FRRS1L: variants seen among roughly 807,000 people sequenced by gnomAD.
FRRS1L encodes the protein DOMON domain-containing protein FRRS1L.
A neutral mutation model predicts 28.6 loss-of-function variants in FRRS1L; 22 were observed. The ratio of observed to expected loss-of-function variants is 0.77; its 90% CI spans 0.55 to 1.10. The LOEUF (loss-of-function observed/expected upper bound fraction) is 1.10, where lower values mean the gene tolerates loss of function less well. FRRS1L is among the 50% of genes least tolerant of loss of function. FRRS1L has a pLI of 0.00. For synonymous variants in FRRS1L, 158 were observed against 151.4 expected, an observed-to-expected ratio of 1.04 and a Z score of -0.32; for missense variants, 380 against 386.9, an observed-to-expected ratio of 0.98 and a Z score of 0.15.
chr9:109,140,481 G>A (rs1176757135), intron 4 of FRRS1L: 1 of 152,258 alleles, frequency 6.6e-6, no homozygotes, highest in Non-Finnish European at 1.5e-5. Flanking sequence ...GAGACCAGTA[G>A]AGGGGAGGAG....
At chr9:109,152,350 A>G (rs1831340617) in intron 1 of FRRS1L, among the ~76,000 whole-genome samples, 1 of 151,672 alleles carries the variant, frequency 6.6e-6, no homozygotes, top group Admixed American at 6.6e-5. Flanking sequence ...GGGTTTCACC[A>G]TGTTGGTCAG....
At chr9:109,157,314 G>T (rs1831423453) in intron 1 of FRRS1L, among the ~76,000 whole-genome samples, 1 of 152,282 alleles carries the variant, frequency 6.6e-6, no homozygotes, top group African/African-American at 2.4e-5. Flanking sequence ...AAAAGAGTAT[G>T]ATTCTGTATT....
At chr9:109,149,521 G>A (rs1831302722) in intron 2 of FRRS1L, 115 bp downstream of exon 2, 1 of 686,872 alleles carries the variant, frequency 1.5e-6, no homozygotes, top group Non-Finnish European at 2.6e-6. Flanking sequence ...ACCCTGCTGA[G>A]GTGATCAAGG....
intron 1 of FRRS1L, chr9:109,150,505 C>T (rs977462461): frequency 7.9e-5 from 12 of 152,212 alleles, no homozygotes; most frequent in East Asian, 3.8e-4. Flanking sequence ...TATAAGCCAC[C>T]GCACCCAACT....
chr9:109,163,896 C>G (rs1831510512), intron 1 of FRRS1L, among the ~76,000 whole-genome samples: 1 of 152,148 alleles, frequency 6.6e-6, no homozygotes, highest in African/African-American at 2.4e-5. Flanking sequence ...TGAATCTGTC[C>G]TAGGAGAGTT....
chr9:109,142,309 A>G (rs1294710309), intron 3 of FRRS1L, among the ~76,000 whole-genome samples: 1 of 152,230 alleles, frequency 6.6e-6, no homozygotes, highest in Non-Finnish European at 1.5e-5. Context: ...CAGTAGCAGT[A>G]GCAGTAGCAG....
At chr9:109,141,216 C>T in intron 4 of FRRS1L, 127 bp downstream of exon 4, 3 of 1,007,152 alleles carry the variant, frequency 3.0e-6, no homozygotes, top group South Asian at 1.6e-5. Context: ...GGAGTCGCAT[C>T]TCCTTTTCCT....
chr9:109,155,630 G>A (rs1382782206), intron 1 of FRRS1L, among the ~76,000 whole-genome samples: 1 of 151,760 alleles, frequency 6.6e-6, no homozygotes, highest in Non-Finnish European at 1.5e-5. Flanking sequence ...CTTGAACCTG[G>A]GAGGTGGAGG....
In FRRS1L at chr9:109,134,598, A is replaced by G. The variant is rs1158880560; in HGVS notation, c.*2857T>C. 1 of 152,220 alleles carries G rather than the reference A, an allele frequency of 6.6e-6. No individual in the cohort carries two copies. The highest frequency in any genetic ancestry group is 1.5e-5 in the Non-Finnish European group (1 of 68,046). 9.4% of individuals were successfully genotyped at this position (152,220 alleles called of 1,614,324 possible). A position where few individuals can be genotyped will look rare whatever the true frequency, so the allele number is the denominator to read the frequency against. Reference sequence around the variant, plus strand: ...ATTGCAGGTCACAGAAATGGCTTGCATTTTACCTTAATGGCACTGAGAAGT... The same window carrying G: ...ATTGCAGGTCACAGAAATGGCTTGCGTTTTACCTTAATGGCACTGAGAAGT... On this transcript the variant is annotated 3_prime_UTR_variant, in exon 5 of 5. Transcript: ENST00000561981.
Position 109,131,159 on chromosome 9 carries a change from G to A in FRRS1L, c.*6296C>T, listed in dbSNP as rs1282597355. The A allele has an allele frequency of 6.6e-6, 1 of 152,242 alleles. No individual in the cohort carries two copies. The highest frequency in any genetic ancestry group is 6.5e-5 in the Admixed American group (1 of 15,288). The allele number at this position is 152,242 out of a possible 1,614,324, so 9.4% of individuals were successfully genotyped here. The stretch of plus-strand genomic sequence containing the variant: ...ACTGGATACTTGAATAACTGAATAA[G>A]GAACCTAATTAAATACAAAACCTGT... On this transcript the variant is annotated 3_prime_UTR_variant, in exon 5 of 5. Transcript: ENST00000561981.
intron 1 of FRRS1L, among the ~76,000 whole-genome samples, chr9:109,156,920 C>T (rs1831418205): frequency 1.3e-5 from 2 of 151,758 alleles, no homozygotes; most frequent in African/African-American, 4.8e-5. Context: ...CTATCTGCCC[C>T]TCTCAGCCTT....
At chr9:109,164,213 C>T (rs1410436265) in intron 1 of FRRS1L, among the ~76,000 whole-genome samples, 5 of 152,096 alleles carry the variant, frequency 3.3e-5, no homozygotes, top group Admixed American at 6.5e-5. Context: ...AACTAGCACC[C>T]ACCGGATGGT....
chr9:109,143,521 T>C (rs1018322406), intron 3 of FRRS1L, among the ~76,000 whole-genome samples: 1 of 150,508 alleles, frequency 6.6e-6, no homozygotes, highest in African/African-American at 2.4e-5. Context: ...TGCACCTTTT[T>C]TTTTTTTTTT....
rs189280518 is a variant in FRRS1L at position 109,151,321 on chromosome 9, G to A, written c.239-1601C>T. ...TCCATGGCCTGTTAGGAACTAAGCC[G>A]CACAGCAGGAGGTGAGTGGCAGGCA... On this transcript the variant is annotated intron_variant, in intron 1 of 4. Coordinates refer to ENST00000561981, the MANE Select transcript of FRRS1L (RefSeq NM_014334.4). The A allele has an allele frequency of 2.3e-3, 346 of 152,932 alleles. 1 individual carries two copies. Among genetic ancestry groups the A allele is most frequent in the Non-Finnish European group, 1.6e-3 (110 of 68,498 alleles). 9.5% of individuals were successfully genotyped at this position (152,932 alleles called of 1,614,324 possible).
chr9:109,164,066 C>T (rs1260981813), intron 1 of FRRS1L, among the ~76,000 whole-genome samples: 2 of 152,184 alleles, frequency 1.3e-5, no homozygotes, highest in Non-Finnish European at 2.9e-5. Context: ...CCTCAGCCCC[C>T]GCTTTTAAGG....
At chr9:109,156,125 G>C (rs1831400539) in intron 1 of FRRS1L, among the ~76,000 whole-genome samples, 1 of 152,164 alleles carries the variant, frequency 6.6e-6, no homozygotes, top group Non-Finnish European at 1.5e-5. Context: ...CGGCACACTA[G>C]AGAGTCTGGG....
chr9:109,147,423 T>C, intron 2 of FRRS1L: 1 of 460,994 alleles, frequency 2.2e-6, no homozygotes, highest in South Asian at 3.6e-5. Flanking sequence ...TTGCCCGAGG[T>C]TGTATAGTGA....
intron 4 of FRRS1L, chr9:109,139,626 C>T (rs1831155812): frequency 1.3e-5 from 2 of 152,202 alleles, no homozygotes; most frequent in Admixed American, 6.5e-5. Context: ...TCAAATCCCA[C>T]TATTTTAGAT....
At chr9:109,160,205 C>T (rs929803476) in intron 1 of FRRS1L, among the ~76,000 whole-genome samples, 9 of 152,138 alleles carry the variant, frequency 5.9e-5, no homozygotes, top group Non-Finnish European at 1.2e-4. Context: ...CAGCCAACTG[C>T]CTCCAGGGGT....
Sources: allele counts gnomAD v4.1 joint callset (sites outside exome capture counted in the v4.1 genomes callset), GRCh38; gene constraint gnomAD v4.1.1; transcripts MANE v1.5; gene names NCBI Gene and HGNC (gene_info 2026-07-23, HGNC 2026-07-21).